SLC24A1: variants seen among roughly 807,000 people sequenced by gnomAD.
SLC24A1 encodes solute carrier family 24 member 1.
SLC24A1 carries 52 observed loss-of-function variants against 88.1 expected under a neutral mutation model. The observed-to-expected ratio is 0.59, with a 90% CI of 0.47 to 0.74. The LOEUF is 0.74. Among genes scored for constraint, SLC24A1 ranks in the 30% least tolerant of loss-of-function variants. The pLI, the probability that SLC24A1 is intolerant of heterozygous loss-of-function variation, is 0.00. For synonymous variants in SLC24A1, 455 were observed against 498.0 expected (o/e 0.91, Z 1.15); for missense variants, 1,173 against 1,363.3 (o/e 0.86, Z 2.20).
In SLC24A1 at chr15:65,652,620, G is replaced by A. The variant is rs114171698; in HGVS notation, c.2884-22G>A. 208 of 1,612,326 alleles carry A rather than the reference G, an allele frequency of 1.3e-4. No homozygotes were observed. In the African/African-American group the frequency reaches 2.5e-3, roughly 19 times the overall value. On this transcript the variant is annotated intron_variant, in intron 8 of 9. Coordinates refer to ENST00000261892, the MANE Select transcript of SLC24A1 (RefSeq NM_004727.3). ...ATGTGCCTCAGGTTTTTCACCTACTGTTGACCGTTGCCGTTTACCAGGTTG... is the reference window on the plus strand; with the variant it reads ...ATGTGCCTCAGGTTTTTCACCTACTATTGACCGTTGCCGTTTACCAGGTTG...
chr15:65,624,945 A>G lies in SLC24A1; in HGVS notation c.865A>G (p.Ser289Gly). 6.2e-7 allele frequency: 1 copy of G among 1,611,812 alleles called. No individual in the cohort carries two copies. The highest frequency in any genetic ancestry group is 2.2e-5 in the East Asian group (1 of 44,870). The change falls in exon 2 of 10, where the codon AGT becomes GGT. Residue 289 changes from serine (S) to glycine (G), a missense_variant. Ser to Gly is a moderately conservative substitution (Grantham distance 56). Coordinates refer to ENST00000261892, the MANE Select transcript of SLC24A1 (RefSeq NM_004727.3). ...CCTGTTTCCCCCCAGAAGAGTGGAA[A>G]GTAACAGCTCAGCCCATCCCTGGGG... is the stretch of plus-strand genomic sequence containing the variant. ...NNLFPPRRVE[S>G]NSSAHPWGLV... is the part of the protein sequence containing the mutation.
chr15:65,626,819 T>C (rs775539384), intron 2 of SLC24A1, among the ~76,000 whole-genome samples: 28 of 152,232 alleles, frequency 1.8e-4, no homozygotes, highest in Admixed American at 1.2e-3. Context: ...TAACTGGGAC[T>C]ACAGGCACAT....
At chr15:65,616,988 T>G (rs1380623128), upstream of SLC24A1, among the ~76,000 whole-genome samples, 1 of 152,248 alleles carries the variant, frequency 6.6e-6, no homozygotes, top group East Asian at 1.9e-4. Flanking sequence ...AGGGAATCCT[T>G]TCCCCATTTC....
upstream of SLC24A1, among the ~76,000 whole-genome samples, chr15:65,620,628 C>T (rs529849522): frequency 1.5e-4 from 23 of 152,182 alleles, no homozygotes; most frequent in African/African-American, 5.3e-4. Flanking sequence ...TTACCCCCAG[C>T]GGGTAGGATT....
intron 4 of SLC24A1, among the ~76,000 whole-genome samples, chr15:65,640,523 G>A (rs759452655): frequency 2.6e-5 from 4 of 152,098 alleles, no homozygotes; most frequent in Admixed American, 1.3e-4. Context: ...GTGCAGAACC[G>A]GAACCCAGCC....
At chr15:65,620,645 A>T (rs2074289599), upstream of SLC24A1, among the ~76,000 whole-genome samples, 1 of 152,246 alleles carries the variant, frequency 6.6e-6, no homozygotes. Flanking sequence ...GATTTAGGTT[A>T]GACACCAGGA....
At chr15:65,631,896 A>G (rs2074740722) in intron 2 of SLC24A1, among the ~76,000 whole-genome samples, 1 of 152,076 alleles carries the variant, frequency 6.6e-6, no homozygotes. Flanking sequence ...CAGTGGCGCG[A>G]TCTCAGCTCA....
chr15:65,647,182 AAG>A (rs375652751), intron 6 of SLC24A1, among the ~76,000 whole-genome samples: 1 of 152,152 alleles, frequency 6.6e-6, no homozygotes, highest in Non-Finnish European at 1.5e-5. Context: ...CCAGTCTTAA[AAG>A]AGAGAGAATC....
intron 4 of SLC24A1, among the ~76,000 whole-genome samples, chr15:65,643,433 A>C (rs2075197717): frequency 2.6e-5 from 4 of 152,188 alleles, no homozygotes; most frequent in Non-Finnish European, 5.9e-5. Context: ...GCCGGCACAC[A>C]GGCTTCCCAA....
chr15:65,615,321 C>T (rs1176013525), intron 2 of SLC24A1, among the ~76,000 whole-genome samples: 1 of 152,198 alleles, frequency 6.6e-6, no homozygotes. Context: ...ACCTTAGTGG[C>T]ATCTTTCAAT....
rs1277259606 is a variant in SLC24A1, at chr15:65,651,719, T to C, written c.2843T>C (p.Ile948Thr). 6.2e-7 allele frequency: 1 copy of C among 1,611,030 alleles called. No homozygotes were observed. Among genetic ancestry groups the C allele is most frequent in the East Asian group, 2.2e-5 (1 of 44,868 alleles). ...ACCTTCCTGGGATCTATCATGTGGA[T>C]AGCCATGTTCTCATACCTCATGGTG... ...VFTFLGSIMW[I>T]AMFSYLMVWW... Residue 948 changes from isoleucine to threonine, a missense_variant, in exon 8 of 10, where the codon ATA becomes ACA. Physicochemically the swap from Ile to Thr is moderately conservative, Grantham distance 89. Coordinates refer to ENST00000261892, the MANE Select transcript of SLC24A1 (RefSeq NM_004727.3).
chr15:65,647,893 A>C (rs2414882), intron 6 of SLC24A1, among the ~76,000 whole-genome samples: 31,033 of 152,092 alleles, frequency 0.2, 4,215 homozygotes, highest in East Asian at 0.74. Flanking sequence ...GGGAAGTAAA[A>C]AAAATGACCA....
chr15:65,611,571 C>G (rs1245786606), exon 1 of SLC24A1: 1 of 237,842 alleles, frequency 4.2e-6, no homozygotes, highest in African/African-American at 2.2e-5. Context: ...CTATTTTCCT[C>G]GTCACTCTTT....
At chr15:65,656,331 A>G (rs934972043), downstream of SLC24A1, 2 of 826,496 alleles carry the variant, frequency 2.4e-6, no homozygotes, top group Non-Finnish European at 2.9e-6. Context: ...ATCACTTTAC[A>G]GTGTTACAGA....
chr15:65,648,556 A>G (rs1431140349), intron 6 of SLC24A1, among the ~76,000 whole-genome samples: 1 of 151,164 alleles, frequency 6.6e-6, no homozygotes, highest in East Asian at 2.0e-4. Context: ...ATCTCAGCTC[A>G]CTGCAACCTC....
chr15:65,644,385 C>A, intron 4 of SLC24A1, 42 bp from the exon 5 acceptor site: 1 of 1,364,530 alleles, frequency 7.3e-7, no homozygotes, highest in Non-Finnish European at 1.0e-6. Flanking sequence ...CAGGGATGAT[C>A]CTACAATTCC....
At position 65,639,632 on chromosome 15, in the gene SLC24A1, C is replaced by CTCTGCACAACAGCACCAT; in HGVS notation, c.1983_2000dup (p.Leu662_Ile667dup). 4 of 1,612,794 alleles carry CTCTGCACAACAGCACCAT rather than the reference C, an allele frequency of 2.5e-6. No homozygotes were observed. The East Asian group carries it at 8.9e-5, about 36-fold the overall frequency. ...CTGACCCGAGGGAGCAGCTCGACCT[C>CTCTGCACAACAGCACCAT]TCTGCACAACAGCACCATCCGCAGC... On this transcript the variant is annotated inframe_insertion, in exon 4 of 10. Transcript: ENST00000261892.
At chr15:65,636,949 C>A (rs1453732208) in intron 2 of SLC24A1, among the ~76,000 whole-genome samples, 1 of 151,676 alleles carries the variant, frequency 6.6e-6, no homozygotes, top group Admixed American at 6.6e-5. Context: ...TCATTCAGCT[C>A]ACCTTTACTG....
At chr15:65,614,969 T>A (rs2074089329) in intron 2 of SLC24A1, among the ~76,000 whole-genome samples, 1 of 152,208 alleles carries the variant, frequency 6.6e-6, no homozygotes, top group Non-Finnish European at 1.5e-5. Context: ...GGCTCTCAGC[T>A]CTTCGGGAGG....
Sources: allele counts gnomAD v4.1 joint callset (sites outside exome capture counted in the v4.1 genomes callset), GRCh38; gene constraint gnomAD v4.1.1; transcripts MANE v1.5; gene names NCBI Gene and HGNC (gene_info 2026-07-23, HGNC 2026-07-21).